The following HAPLN1 variants were observed in gnomAD, a reference collection of about 807,000 sequenced individuals.
HAPLN1 encodes Cartilage link protein.
A neutral mutation model predicts 36.5 loss-of-function variants in HAPLN1; 13 were observed. The observed-to-expected ratio is 0.36, with a 90% CI of 0.23 to 0.57. HAPLN1 has a LOEUF of 0.57. HAPLN1 is among the 20% of genes least tolerant of loss of function. The probability of loss-of-function intolerance (pLI) is 0.83; values close to 1 mark genes in which losing one functional copy is unlikely to be tolerated. For missense variants in HAPLN1, 407 were observed against 439.7 expected (o/e 0.93, Z 0.66); for synonymous variants, 202 against 169.8 (o/e 1.19, Z -1.48).
At chr5:83,642,470 A>G (rs577900080) in intron 4 of HAPLN1, among the ~76,000 whole-genome samples, 1 of 152,312 alleles carries the variant, frequency 6.6e-6, no homozygotes, top group African/African-American at 2.4e-5. Context: ...CAATTTCACT[A>G]GGAAGACAAA....
At chr5:83,663,306 A>T (rs1407093520) in intron 2 of HAPLN1, among the ~76,000 whole-genome samples, 1 of 152,190 alleles carries the variant, frequency 6.6e-6, no homozygotes, top group Non-Finnish European at 1.5e-5. Flanking sequence ...ACTAATTTAA[A>T]ATTTTAAAAA....
chr5:83,719,285 G>A lies in HAPLN1; in HGVS notation c.-27+1504C>T, dbSNP rs193293970. Among the ~76,000 whole-genome samples, 60 of 152,286 alleles carry A rather than the reference G, an allele frequency of 3.9e-4. No individual in the cohort carries two copies. In the East Asian group the frequency reaches 8.3e-3, roughly 21 times the overall value. ...CCCAGGCCCATAAGGCATTCCTGTC[G>A]AGAATACTGGCCTCTGGGTACATTC... On this transcript the variant is annotated intron_variant, in intron 1 of 4. Coordinates refer to ENST00000274341, the MANE Select transcript of HAPLN1 (RefSeq NM_001884.4).
intron 2 of HAPLN1, among the ~76,000 whole-genome samples, chr5:83,662,127 T>A (rs1287475081): frequency 6.6e-6 from 1 of 151,640 alleles, no homozygotes; most frequent in Non-Finnish European, 1.5e-5. Context: ...GGTCTTGTAC[T>A]CCTGGCCTCA....
chr5:83,650,533 G>C (rs1750025029), intron 3 of HAPLN1, among the ~76,000 whole-genome samples: 1 of 151,922 alleles, frequency 6.6e-6, no homozygotes, highest in South Asian at 2.1e-4. Flanking sequence ...CATTTACTTA[G>C]CTCATATGCA....
chr5:83,683,882 T>G (rs895815819), intron 1 of HAPLN1, among the ~76,000 whole-genome samples: 2 of 152,060 alleles, frequency 1.3e-5, no homozygotes, highest in South Asian at 4.1e-4. Flanking sequence ...GATGGACTTC[T>G]AACAGTGTAC....
intron 3 of HAPLN1, among the ~76,000 whole-genome samples, chr5:83,650,398 T>C (rs1750020593): frequency 6.7e-6 from 1 of 149,138 alleles, no homozygotes; most frequent in Admixed American, 6.7e-5. Context: ...ATTAAATTAT[T>C]TGAGAATCTT....
intron 1 of HAPLN1, among the ~76,000 whole-genome samples, chr5:83,680,884 A>G (rs568102247): frequency 6.6e-6 from 1 of 152,202 alleles, no homozygotes. Context: ...AAAGATAATT[A>G]AATCTGTCAG....
intron 1 of HAPLN1, among the ~76,000 whole-genome samples, chr5:83,696,560 G>T (rs1276004712): frequency 2.0e-5 from 3 of 152,100 alleles, no homozygotes; most frequent in African/African-American, 7.2e-5. Flanking sequence ...TATGGTATTT[G>T]CAATGTGGTA....
chr5:83,651,356 C>G (rs1750056591), intron 3 of HAPLN1, among the ~76,000 whole-genome samples: 1 of 152,112 alleles, frequency 6.6e-6, no homozygotes, highest in South Asian at 2.1e-4. Flanking sequence ...ACTGTCTTCT[C>G]TAAGTCAACT....
At chr5:83,665,586 G>C (rs336953) in intron 2 of HAPLN1, among the ~76,000 whole-genome samples, 53,405 of 151,924 alleles carry the variant, frequency 0.35, 9,578 homozygotes, top group East Asian at 0.54. Context: ...ACTCTCCTTT[G>C]TTCCTACTTT....
intron 1 of HAPLN1, among the ~76,000 whole-genome samples, chr5:83,676,339 A>C (rs927485362): frequency 1.3e-5 from 2 of 152,200 alleles, no homozygotes; most frequent in African/African-American, 4.8e-5. Flanking sequence ...CTATCAGTGA[A>C]TACTTTAGAG....
chr5:83,692,709 ATAAG>A (rs1202640427), intron 1 of HAPLN1, among the ~76,000 whole-genome samples: 18 of 151,948 alleles, frequency 1.2e-4, no homozygotes, highest in Non-Finnish European at 2.1e-4. Flanking sequence ...TATACTAACT[ATAAG>A]TAAGCACATT....
intron 1 of HAPLN1, among the ~76,000 whole-genome samples, chr5:83,677,122 G>T (rs963193917): frequency 6.6e-6 from 1 of 152,130 alleles, no homozygotes; most frequent in East Asian, 1.9e-4. Flanking sequence ...CAAGTGAAAG[G>T]CATGTGTGCT....
At chr5:83,669,117 T>C (rs1048300285) in intron 2 of HAPLN1, among the ~76,000 whole-genome samples, 2 of 152,228 alleles carry the variant, frequency 1.3e-5, no homozygotes, top group African/African-American at 4.8e-5. Context: ...GGATCTGTGC[T>C]CACATAGTAA....
intron 2 of HAPLN1, among the ~76,000 whole-genome samples, chr5:83,668,902 GGAGT>G (rs767564111): frequency 3.3e-5 from 5 of 152,148 alleles, no homozygotes; most frequent in Non-Finnish European, 5.9e-5. Context: ...AGCTGAGAGA[GGAGT>G]GTGCACTTCT....
chr5:83,708,936 G>A (rs1303527978), intron 1 of HAPLN1, among the ~76,000 whole-genome samples: 1 of 152,086 alleles, frequency 6.6e-6, no homozygotes, highest in African/African-American at 2.4e-5. Flanking sequence ...GAGTGCAGCG[G>A]CGTGATCTCA....
chr5:83,715,382 T>C (rs1751894696), intron 1 of HAPLN1, among the ~76,000 whole-genome samples: 1 of 152,072 alleles, frequency 6.6e-6, no homozygotes, highest in South Asian at 2.1e-4. Flanking sequence ...GTTTATGAGA[T>C]AGAGGGGTTA....
intron 2 of HAPLN1, among the ~76,000 whole-genome samples, chr5:83,664,337 G>A (rs566156689): frequency 2.3e-5 from 3 of 132,700 alleles, no homozygotes; most frequent in South Asian, 2.6e-4. Context: ...ACGCCATTGG[G>A]CCCACTGCCC....
intron 2 of HAPLN1, among the ~76,000 whole-genome samples, chr5:83,662,445 C>A (rs185630284): frequency 6.6e-6 from 1 of 152,032 alleles, no homozygotes; most frequent in Admixed American, 6.6e-5. Flanking sequence ...TCTGTGTTAT[C>A]AAAGATTTAT....
Sources: gnomAD v4.1 joint callset for allele counts (sites outside exome capture counted in the v4.1 genomes callset) on GRCh38, gnomAD v4.1.1 for gene constraint, MANE v1.5 for transcripts, NCBI Gene and HGNC (gene_info 2026-07-23, HGNC 2026-07-21) for gene names.